PTGER3: variants seen among roughly 807,000 people sequenced by gnomAD.
PTGER3 encodes the protein prostaglandin E receptor 3, also known as prostaglandin E2 receptor EP3 subtype.
PTGER3 carries 22 observed loss-of-function variants against 34.7 expected under a neutral mutation model. The ratio of observed to expected loss-of-function variants is 0.63; its 90% confidence interval spans 0.45 to 0.91. The LOEUF is 0.91. PTGER3 is among the 40% of genes least tolerant of loss of function. The pLI is 0.00. For missense variants in PTGER3, 468 were observed against 519.4 expected (o/e 0.90, Z 0.96); for synonymous variants, 241 against 230.1 (o/e 1.05, Z -0.43).
intron 4 of PTGER3, among the ~76,000 whole-genome samples, chr1:70,902,058 T>C (rs1158446308): frequency 6.6e-6 from 1 of 151,750 alleles, no homozygotes; most frequent in Non-Finnish European, 1.5e-5. Context: ...AGGTATAGAC[T>C]CTCCACCCGA....
chr1:70,878,148 A>G (rs1336685187), intron 4 of PTGER3, among the ~76,000 whole-genome samples: 3 of 152,074 alleles, frequency 2.0e-5, no homozygotes, highest in Non-Finnish European at 2.9e-5. Context: ...TCAATTTCCA[A>G]ACATGTTATT....
Position 70,971,077 on chromosome 1 carries a change from G to C in PTGER3, c.*653C>G. On this transcript the variant is annotated 3_prime_UTR_variant, in exon 4 of 4. Coordinates refer to ENST00000306666, the MANE Select transcript of PTGER3 (RefSeq NM_198719.2). The stretch of plus-strand genomic sequence containing the variant: ...TCACTCCTTTGTCATCAAAAGCTTA[G>C]AAATAACAATTAAGCAGATTCCTGA... The C allele has an allele frequency of 3.0e-6, 3 of 985,268 alleles. No homozygotes were observed. The South Asian group carries it at 1.4e-4, about 46-fold the overall frequency. 61.0% of individuals were successfully genotyped at this position (985,268 alleles called of 1,614,324 possible).
chr1:70,954,870 C>G (rs969578917), intron 2 of PTGER3, among the ~76,000 whole-genome samples: 7 of 151,970 alleles, frequency 4.6e-5, no homozygotes, highest in African/African-American at 1.7e-4. Flanking sequence ...AAATATACTA[C>G]TGAAAATGAA....
chr1:71,025,165 T>TTCCTTCCTTCC (rs1553178212), intron 1 of PTGER3, among the ~76,000 whole-genome samples: 4,378 of 79,576 alleles, frequency 0.055, 114 homozygotes, highest in African/African-American at 0.11. Flanking sequence ...TCCTTCCTTC[T>TTCCTTCCTTCC]TTCCTTCCTT....
chr1:70,983,797 C>CT (rs199796142), intron 2 of PTGER3, among the ~76,000 whole-genome samples: 1,846 of 152,206 alleles, frequency 0.012, 49 homozygotes, highest in African/African-American at 0.042. Flanking sequence ...TAATCCTTCC[C>CT]TGAACTATCT....
rs774151511 is a variant in PTGER3 at position 71,047,529 on chromosome 1, G to A, written c.49C>T (p.Leu17Phe). 8.8e-6 allele frequency: 14 copies of A among 1,589,064 alleles called. 1 individual carries two copies. In the African/African-American group the frequency reaches 1.9e-4, roughly 21 times the overall value. The change falls in exon 1 of 4, where the codon CTC becomes TTC. Residue 17 changes from leucine (L) to phenylalanine (F), a missense_variant. By Grantham distance (22) the Leu-to-Phe change is conservative. Coordinates refer to ENST00000306666, the MANE Select transcript of PTGER3 (RefSeq NM_198719.2). ...YGGDAPFCTR[L>F]NHSYTGMWAP... ...CACATGCCTGTGTAGGAGTGGTTGA[G>A]GCGGGTGCAGAAGGGGGCATCCCCT...
intron 1 of PTGER3, 101 bp from the exon 2 acceptor site, chr1:71,012,585 G>T: frequency 2.0e-6 from 2 of 1,024,502 alleles, no homozygotes; most frequent in Non-Finnish European, 2.8e-6. Context: ...TAAATTGGTT[G>T]TTGGATTGAA....
intron 3 of PTGER3, among the ~76,000 whole-genome samples, chr1:70,973,903 A>C (rs1653404666): frequency 1.3e-5 from 2 of 152,196 alleles, no homozygotes; most frequent in African/African-American, 4.8e-5. Flanking sequence ...CTAATCAAAA[A>C]TGCGACTGAG....
exon 4 of PTGER3, chr1:70,952,775 G>C: frequency 7.5e-7 from 1 of 1,331,108 alleles, no homozygotes; most frequent in African/African-American, 1.5e-5. Flanking sequence ...CTGGCTTGCT[G>C]GTAATCTCCC....
chr1:70,975,506 G>GT (rs912697425), intron 2 of PTGER3, among the ~76,000 whole-genome samples: 15 of 151,474 alleles, frequency 9.9e-5, no homozygotes, highest in East Asian at 7.7e-4. Flanking sequence ...GCTTTCTAAA[G>GT]TTTTTTTTTC....
At chr1:71,028,419 A>G (rs370424264) in intron 1 of PTGER3, among the ~76,000 whole-genome samples, 3 of 152,146 alleles carry the variant, frequency 2.0e-5, no homozygotes, top group East Asian at 3.9e-4. Context: ...CGGATTAACC[A>G]ACTCTGAAGG....
intron 4 of PTGER3, among the ~76,000 whole-genome samples, chr1:70,898,519 T>C (rs2100321702): frequency 6.6e-6 from 1 of 152,294 alleles, no homozygotes; most frequent in Non-Finnish European, 1.5e-5. Context: ...CTACAACTTG[T>C]TAAAATATTT....
chr1:70,969,104 C>T (rs571285648), downstream of PTGER3, among the ~76,000 whole-genome samples: 51 of 151,968 alleles, frequency 3.4e-4, no homozygotes, highest in African/African-American at 1.1e-3. Context: ...CTACTCAGGA[C>T]GCTGAAGCAG....
intron 1 of PTGER3, among the ~76,000 whole-genome samples, chr1:71,013,302 G>A (rs1029852077): frequency 3.9e-5 from 6 of 151,996 alleles, no homozygotes; most frequent in East Asian, 1.9e-4. Flanking sequence ...GTATTTGTGC[G>A]AGAACAAATT....
intron 1 of PTGER3, among the ~76,000 whole-genome samples, chr1:71,017,226 C>T (rs1251328757): frequency 3.9e-5 from 6 of 151,952 alleles, no homozygotes; most frequent in African/African-American, 1.5e-4. Context: ...CCAGCTGTGG[C>T]CAGAGGGAGA....
chr1:71,016,236 T>C (rs964948882), intron 1 of PTGER3, among the ~76,000 whole-genome samples: 1 of 152,204 alleles, frequency 6.6e-6, no homozygotes, highest in Non-Finnish European at 1.5e-5. Context: ...AAGCAAATAG[T>C]AGCTATACAA....
rs186394901 is a variant in PTGER3, at chr1:70,862,407, G to A, written c.*24-9548C>T. On this transcript the variant is annotated intron_variant, in intron 4 of 4. Coordinates refer to the PTGER3 transcript ENST00000370931. The stretch of plus-strand genomic sequence containing the variant: ...ACACTGCAGGGTTCTCCTATTATGT[G>A]ATAGGCAATAGAAATATTGTGCTGA... The A allele has an allele frequency of 1.4e-3, 1,880 of 1,345,972 alleles. 4 individuals are homozygous for A. Among genetic ancestry groups the A allele is most frequent in the Non-Finnish European group, 1.8e-3 (1,781 of 1,002,398 alleles). The allele number at this position is 1,345,972 out of a possible 1,614,324, so 83.4% of individuals were successfully genotyped here. A position where few individuals can be genotyped will look rare whatever the true frequency, so the allele number is the denominator to read the frequency against.
chr1:70,907,898 G>A (rs1335395169), intron 4 of PTGER3, among the ~76,000 whole-genome samples: 1 of 152,166 alleles, frequency 6.6e-6, no homozygotes, highest in South Asian at 2.1e-4. Context: ...CCAGGAAAGA[G>A]AGTAGTGAGG....
chr1:70,988,318 GGC>G (rs1421556571), intron 2 of PTGER3, among the ~76,000 whole-genome samples: 1 of 152,114 alleles, frequency 6.6e-6, no homozygotes, highest in Non-Finnish European at 1.5e-5. Flanking sequence ...CTCAGACTAT[GGC>G]AGAGCCTTCC....
Sources: allele counts gnomAD v4.1 joint callset (sites outside exome capture counted in the v4.1 genomes callset), GRCh38; gene constraint gnomAD v4.1.1; transcripts MANE v1.5; gene names NCBI Gene and HGNC (gene_info 2026-07-23, HGNC 2026-07-21).